Variants in WWOX observed in about 807,000 individuals in gnomAD.
WWOX encodes WW domain containing oxidoreductase.
WWOX carries 69 observed loss-of-function variants against 46.2 expected under a neutral mutation model. The ratio of observed to expected loss-of-function variants is 1.49; its 90% CI spans 1.23 to 1.82. WWOX has a LOEUF of 1.82. WWOX is among the 40% of genes most tolerant of loss of function. WWOX has a pLI of 0.00. For missense variants in WWOX, 919 were observed against 542.6 expected, an observed-to-expected ratio of 1.69 and a Z score of -6.89; for synonymous variants, 359 against 202.6, an observed-to-expected ratio of 1.77 and a Z score of -6.56.
chr16:78,367,547 G>T (rs1337286687), intron 5 of WWOX, among the ~76,000 whole-genome samples: 1 of 152,090 alleles, frequency 6.6e-6, no homozygotes, highest in Non-Finnish European at 1.5e-5. Flanking sequence ...ACAGAAAAAA[G>T]GTGTAAAAGG....
At chr16:79,004,887 G>A (rs1303518991) in intron 8 of WWOX, among the ~76,000 whole-genome samples, 1 of 152,252 alleles carries the variant, frequency 6.6e-6, no homozygotes, top group East Asian at 1.9e-4. Context: ...TGTAATTTTG[G>A]GGGGGTTAAT....
intron 5 of WWOX, among the ~76,000 whole-genome samples, chr16:78,361,856 C>T (rs1309151995): frequency 6.6e-6 from 1 of 152,140 alleles, no homozygotes; most frequent in African/African-American, 2.4e-5. Flanking sequence ...TGGTGATCCT[C>T]CCACCTCGGA....
In WWOX at chr16:78,163,673, A is replaced by G. The variant is rs1014437154; in HGVS notation, c.410-510A>G. Among the ~76,000 whole-genome samples, 64 of 152,150 alleles carry G rather than the reference A, an allele frequency of 4.2e-4. 1 individual carries two copies. Among genetic ancestry groups the G allele is most frequent in the South Asian group, 1.9e-3 (9 of 4,822 alleles). ...TGTGTTATTTTGTCCATCTTTTCTA[A>G]TTGTTCTCAGTAGGAAATGGGGCTA... On this transcript the variant is annotated intron_variant, in intron 4 of 8. Transcript: ENST00000566780.
At chr16:78,118,672 T>A (rs767221733) in intron 4 of WWOX, among the ~76,000 whole-genome samples, 1 of 152,280 alleles carries the variant, frequency 6.6e-6, no homozygotes, top group East Asian at 1.9e-4. Flanking sequence ...ACTGTAAATA[T>A]TTACTCTTTG....
In WWOX at chr16:78,936,644, A is replaced by C. The variant is rs570586791; in HGVS notation, c.1057-274964A>C. ...TGGATGGGTTTTGGAACATGTCTTG[A>C]TTGTACTTTTTCCTCTTGGTTTGGA... is the stretch of plus-strand genomic sequence containing the variant. On this transcript the variant is annotated intron_variant, in intron 8 of 8. Transcript: ENST00000566780. 2.6e-5 allele frequency among the ~76,000 whole-genome samples: 4 copies of C among 152,194 alleles called. No individual in the cohort carries two copies. In the East Asian group the frequency reaches 7.7e-4, roughly 29 times the overall value.
intron 4 of WWOX, among the ~76,000 whole-genome samples, chr16:78,148,514 A>AT (rs71384366): frequency 0.16 from 23,016 of 148,350 alleles, 1,997 homozygotes; most frequent in East Asian, 0.22. Flanking sequence ...GCTCCATTAC[A>AT]TTTTTTTTTT....
chr16:78,248,561 A>G (rs7202722), intron 5 of WWOX, among the ~76,000 whole-genome samples: 2 of 151,670 alleles, frequency 1.3e-5, no homozygotes, highest in African/African-American at 4.8e-5. Flanking sequence ...TACGGTGAAA[A>G]CTCATCTCTA....
At chr16:78,421,525 C>G (rs930432033) in intron 6 of WWOX, among the ~76,000 whole-genome samples, 1 of 152,052 alleles carries the variant, frequency 6.6e-6, no homozygotes, top group Non-Finnish European at 1.5e-5. Context: ...ACCCTTTTTC[C>G]AAATAAGGTC....
chr16:79,159,397 A>G (rs2050442108), intron 8 of WWOX, among the ~76,000 whole-genome samples: 1 of 152,210 alleles, frequency 6.6e-6, no homozygotes. Flanking sequence ...GTCATTTTCT[A>G]ATGCAATTTG....
chr16:78,889,423 C>T (rs1392397296), intron 8 of WWOX, among the ~76,000 whole-genome samples: 1 of 142,230 alleles, frequency 7.0e-6, no homozygotes, highest in Non-Finnish European at 1.5e-5. Flanking sequence ...TAAGAGTCTG[C>T]AATGAAACGC....
intron 8 of WWOX, among the ~76,000 whole-genome samples, chr16:79,146,433 C>T (rs541276595): frequency 1.3e-5 from 2 of 152,232 alleles, no homozygotes; most frequent in African/African-American, 4.8e-5. Flanking sequence ...CATCCGATCA[C>T]AGGTCTGTGG....
At chr16:79,148,525 A>G (rs1295862397) in intron 8 of WWOX, among the ~76,000 whole-genome samples, 3 of 152,046 alleles carry the variant, frequency 2.0e-5, no homozygotes, top group African/African-American at 2.4e-5. Flanking sequence ...CTTTTTTATT[A>G]AGATTATTTT....
intron 8 of WWOX, among the ~76,000 whole-genome samples, chr16:78,473,991 CAT>C (rs1326949646): frequency 6.6e-6 from 1 of 152,158 alleles, no homozygotes; most frequent in Admixed American, 6.5e-5. Context: ...TGAAATATGT[CAT>C]AAAGTTACCT....
At chr16:78,462,594 C>T (rs1048010041) in intron 8 of WWOX, among the ~76,000 whole-genome samples, 1 of 152,174 alleles carries the variant, frequency 6.6e-6, no homozygotes, top group Non-Finnish European at 1.5e-5. Flanking sequence ...TGAAGTGGAA[C>T]CGGGAGATCA....
At chr16:78,897,293 C>T (rs2044726363) in intron 8 of WWOX, 1 of 146,838 alleles carries the variant, frequency 6.8e-6, no homozygotes, top group Non-Finnish European at 1.5e-5. Context: ...AAGAACATTC[C>T]CATCACGTCG....
chr16:79,045,909 C>T (rs1235746037), intron 8 of WWOX, among the ~76,000 whole-genome samples: 1 of 145,108 alleles, frequency 6.9e-6, no homozygotes, highest in East Asian at 2.2e-4. Context: ...TCAAGTGATT[C>T]TCCTGCCTCA....
At chr16:79,182,141 G>A (rs554440433) in intron 8 of WWOX, among the ~76,000 whole-genome samples, 1 of 150,480 alleles carries the variant, frequency 6.6e-6, no homozygotes, top group South Asian at 2.1e-4. Context: ...ACTTCTCGGT[G>A]GCAAGGGAGG....
intron 5 of WWOX, among the ~76,000 whole-genome samples, chr16:78,334,841 C>CAG (rs1450612964): frequency 1.4e-5 from 2 of 142,436 alleles, no homozygotes; most frequent in Admixed American, 1.4e-4. Context: ...CATACACACA[C>CAG]ACACACACAC....
At chr16:78,735,773 C>G (rs1316256356) in intron 8 of WWOX, among the ~76,000 whole-genome samples, 1 of 151,922 alleles carries the variant, frequency 6.6e-6, no homozygotes, top group Non-Finnish European at 1.5e-5. Flanking sequence ...GACTGAAGGC[C>G]CCTGCCCCCT....
Sources: allele counts gnomAD v4.1 joint callset (sites outside exome capture counted in the v4.1 genomes callset), GRCh38; gene constraint gnomAD v4.1.1; transcripts MANE v1.5; gene names NCBI Gene and HGNC (gene_info 2026-07-23, HGNC 2026-07-21).